Variants in PPFIA2 observed in about 807,000 individuals in gnomAD.
PPFIA2 encodes liprin-alpha-2.
PPFIA2 carries 46 observed loss-of-function variants against 175.5 expected under a neutral mutation model. The observed-to-expected ratio is 0.26, with a 90% CI of 0.21 to 0.34. The LOEUF (loss-of-function observed/expected upper bound fraction) is 0.34, where lower values mean the gene tolerates loss of function less well. Ranked by LOEUF, PPFIA2 falls within the 10% of genes least tolerant of loss-of-function variation. The pLI is 1.00. For missense variants in PPFIA2, 1,179 were observed against 1,506.1 expected (o/e 0.78, Z 3.60); for synonymous variants, 568 against 511.4 (o/e 1.11, Z -1.49).
intron 17 of PPFIA2, among the ~76,000 whole-genome samples, chr12:81,348,538 C>T (rs192027091): frequency 1.1e-4 from 17 of 152,076 alleles, no homozygotes; most frequent in Non-Finnish European, 2.4e-4. Flanking sequence ...GAGTTCGAGA[C>T]CAGCCTGGCC....
intron 18 of PPFIA2, among the ~76,000 whole-genome samples, chr12:81,345,584 G>C (rs1450885790): frequency 1.3e-5 from 2 of 152,006 alleles, no homozygotes; most frequent in African/African-American, 4.8e-5. Context: ...TGATGCTTAT[G>C]TTTATAAAAA....
intron 16 of PPFIA2, among the ~76,000 whole-genome samples, chr12:81,356,251 T>C (rs1475535623): frequency 6.6e-6 from 1 of 152,170 alleles, no homozygotes; most frequent in Non-Finnish European, 1.5e-5. Context: ...ATAGATTAAC[T>C]TCACTATCTT....
chr12:81,641,617 A>G (rs1244884522), intron 4 of PPFIA2, among the ~76,000 whole-genome samples: 2 of 152,244 alleles, frequency 1.3e-5, no homozygotes, highest in East Asian at 3.9e-4. Flanking sequence ...GGACCCCACA[A>G]TATGATGAGT....
At chr12:81,604,814 C>CTA (rs1422435535) in intron 4 of PPFIA2, among the ~76,000 whole-genome samples, 1 of 151,596 alleles carries the variant, frequency 6.6e-6, no homozygotes, top group Non-Finnish European at 1.5e-5. Context: ...TTAATATTAG[C>CTA]TATCACAACC....
chr12:81,637,713 G>A (rs1453416490), intron 4 of PPFIA2, among the ~76,000 whole-genome samples: 1 of 152,008 alleles, frequency 6.6e-6, no homozygotes, highest in Non-Finnish European at 1.5e-5. Flanking sequence ...ATTAGCCATG[G>A]CAACTGATGG....
chr12:81,683,204 G>T (rs1211816047), intron 3 of PPFIA2, among the ~76,000 whole-genome samples: 3 of 151,880 alleles, frequency 2.0e-5, no homozygotes, highest in East Asian at 3.9e-4. Context: ...TCACCCAGTT[G>T]CTCAGGTCCA....
intron 3 of PPFIA2, among the ~76,000 whole-genome samples, chr12:81,695,543 A>C (rs538462018): frequency 6.6e-6 from 1 of 152,136 alleles, no homozygotes; most frequent in African/African-American, 2.4e-5. Context: ...TTCCTGTAAA[A>C]CCTACAAAAC....
At chr12:81,439,183 CTCTA>C (rs1375650864) in intron 7 of PPFIA2, among the ~76,000 whole-genome samples, 1 of 148,454 alleles carries the variant, frequency 6.7e-6, no homozygotes, top group Non-Finnish European at 1.5e-5. Context: ...CTCTCTCTCT[CTCTA>C]TATATATATA....
At chr12:81,388,568 C>A (rs75189761) in intron 8 of PPFIA2, among the ~76,000 whole-genome samples, 1 of 151,918 alleles carries the variant, frequency 6.6e-6, no homozygotes. Context: ...TGTTCTTTAT[C>A]TTGATTTGGG....
Position 81,751,753 on chromosome 12 carries a change from T to C in PPFIA2, c.249+2220A>G, listed in dbSNP as rs542748950. On this transcript the variant is annotated intron_variant, in intron 3 of 32. Coordinates refer to ENST00000549396, the MANE Select transcript of PPFIA2 (RefSeq NM_003625.5). Reference sequence around the variant, plus strand: ...ATCATAATTTAGATACTCCATACAATTGAATAGCTAGAAATAAAACATTTT... The same window carrying C: ...ATCATAATTTAGATACTCCATACAACTGAATAGCTAGAAATAAAACATTTT... 7.2e-5 allele frequency among the ~76,000 whole-genome samples: 11 copies of C among 152,242 alleles called. No homozygotes were observed. In the East Asian group the frequency reaches 1.4e-3, roughly 19 times the overall value.
intron 4 of PPFIA2, among the ~76,000 whole-genome samples, chr12:81,671,993 A>C (rs2071511758): frequency 6.6e-6 from 1 of 151,944 alleles, no homozygotes; most frequent in African/African-American, 2.4e-5. Flanking sequence ...TTTTTGCCAA[A>C]CTGTTCATTC....
intron 4 of PPFIA2, among the ~76,000 whole-genome samples, chr12:81,649,016 A>T (rs532154734): frequency 6.6e-6 from 1 of 152,198 alleles, no homozygotes; most frequent in East Asian, 1.9e-4. Flanking sequence ...AAATTCATAG[A>T]TTCTAAAAGA....
intron 4 of PPFIA2, among the ~76,000 whole-genome samples, chr12:81,581,383 C>T (rs2074378087): frequency 6.6e-6 from 1 of 151,638 alleles, no homozygotes; most frequent in South Asian, 2.1e-4. Flanking sequence ...TGATGGATGA[C>T]ATTGTAAAGA....
intron 7 of PPFIA2, among the ~76,000 whole-genome samples, chr12:81,406,565 A>G (rs970589713): frequency 2.6e-5 from 4 of 152,138 alleles, no homozygotes; most frequent in African/African-American, 9.7e-5. Flanking sequence ...TATTTCAATT[A>G]AAAAACAAAT....
At chr12:81,558,657 A>G (rs2069325377) in intron 4 of PPFIA2, among the ~76,000 whole-genome samples, 1 of 152,140 alleles carries the variant, frequency 6.6e-6, no homozygotes, top group African/African-American at 2.4e-5. Context: ...GGATTTGTTT[A>G]GGAGGACTTC....
rs1242973794 is a variant in PPFIA2, at chr12:81,283,055, G to A, written c.2989-16C>T. On this transcript the variant is annotated splice_polypyrimidine_tract_variant and intron_variant, in intron 25 of 32. Coordinates refer to ENST00000549396, the MANE Select transcript of PPFIA2 (RefSeq NM_003625.5). Reference sequence around the variant, plus strand: ...CAGATTCTTTCTGTGTTAGCAGCAGGAAATGATTAATAAAGCAGGTAAATA... The same window carrying A: ...CAGATTCTTTCTGTGTTAGCAGCAGAAAATGATTAATAAAGCAGGTAAATA... The A allele has an allele frequency of 6.2e-7, 1 of 1,611,056 alleles. No homozygotes were observed. The highest frequency in any genetic ancestry group is 1.3e-5 in the African/African-American group (1 of 74,904).
At chr12:81,584,127 C>G (rs2074830858) in intron 4 of PPFIA2, among the ~76,000 whole-genome samples, 1 of 151,814 alleles carries the variant, frequency 6.6e-6, no homozygotes, top group South Asian at 2.1e-4. Flanking sequence ...TACTTCACAT[C>G]TAAAGCAAGT....
At chr12:81,569,398 T>C (rs1358384930) in intron 4 of PPFIA2, among the ~76,000 whole-genome samples, 1 of 152,146 alleles carries the variant, frequency 6.6e-6, no homozygotes, top group Admixed American at 6.5e-5. Flanking sequence ...TCCACAACGA[T>C]TTGAAAGTGT....
intron 28 of PPFIA2, among the ~76,000 whole-genome samples, chr12:81,270,118 A>AT (rs2038637972): frequency 6.6e-6 from 1 of 152,184 alleles, no homozygotes; most frequent in South Asian, 2.1e-4. Flanking sequence ...TTATACATGG[A>AT]TTTTGTTTTG....
Sources: gnomAD v4.1 joint callset for allele counts (sites outside exome capture counted in the v4.1 genomes callset) on GRCh38, gnomAD v4.1.1 for gene constraint, MANE v1.5 for transcripts, NCBI Gene and HGNC (gene_info 2026-07-23, HGNC 2026-07-21) for gene names.